AMT: variants seen among roughly 807,000 people sequenced by gnomAD.
AMT encodes aminomethyltransferase, mitochondrial.
In AMT, 24 loss-of-function variants were observed where a neutral mutation model predicts 39.5. The observed-to-expected ratio is 0.61, with a 90% CI of 0.44 to 0.86. The LOEUF is 0.86. AMT is among the 40% of genes least tolerant of loss of function. The pLI is 0.00. For synonymous variants in AMT, 210 were observed against 212.1 expected (o/e 0.99, Z 0.09); for missense variants, 501 against 537.0 (o/e 0.93, Z 0.66).
In AMT at chr3:49,422,439, A is replaced by T; in HGVS notation, c.12T>A (p.Ala4=). The T allele has an allele frequency of 6.2e-7, 1 of 1,613,348 alleles. No individual in the cohort carries two copies. Among genetic ancestry groups the T allele is most frequent in the Non-Finnish European group, 8.5e-7 (1 of 1,179,970 alleles). The part of the protein sequence containing the change: MQR[A]VSVVARLGFR... Reference sequence around the variant, plus strand: ...AGCCCAGACGGGCCACCACACTTACAGCCCTCTGCATCGTCGCCTGCAACG... The same window carrying T: ...AGCCCAGACGGGCCACCACACTTACTGCCCTCTGCATCGTCGCCTGCAACG... Residue 4 remains alanine, a synonymous_variant, in exon 1 of 9, where the codon GCT becomes GCA. Transcript: ENST00000273588.
chr3:49,422,251 C>T lies in AMT; in HGVS notation c.111G>A (p.Pro37=), dbSNP rs754165977. ...CGTGGGCCAGGTGGAAGTCATAGAG[C>T]GGTGTCCTGCGGAGCACCTCCTGTG... is the stretch of plus-strand genomic sequence containing the variant. ...SCAQEVLRRT[P]LYDFHLAHGG... is the part of the protein sequence containing the mutation. Residue 37 remains proline, a synonymous_variant, in exon 2 of 9, where the codon CCG becomes CCA. Transcript: ENST00000273588. 5 of 1,613,964 alleles carry T rather than the reference C, an allele frequency of 3.1e-6. No homozygotes were observed. The highest frequency in any genetic ancestry group is 4.5e-5 in the East Asian group (2 of 44,894).
At chr3:49,420,058 CCA>C in intron 4 of AMT, 151 bp downstream of exon 4, 2 of 1,081,830 alleles carry the variant, frequency 1.8e-6, no homozygotes, top group Middle Eastern at 2.5e-4. Flanking sequence ...CTGGCGTGCT[CCA>C]GAGAGGGCCT....
chr3:49,417,905 C>A lies in AMT; in HGVS notation c.946G>T (p.Val316Leu). The A allele has an allele frequency of 6.2e-7, 1 of 1,614,098 alleles. No individual in the cohort carries two copies. The highest frequency in any genetic ancestry group is 8.5e-7 in the Non-Finnish European group (1 of 1,180,026). Residue 316 changes from valine to leucine, a missense_variant, in exon 8 of 9, where the codon GTG becomes TTG. Val to Leu is a conservative substitution (Grantham distance 32). Coordinates refer to ENST00000273588, the MANE Select transcript of AMT (RefSeq NM_000481.4). ...KVIVPQLKGR[V>L]QRRRVGLMCE... The stretch of plus-strand genomic sequence containing the variant: ...ATCAACCCCACACGCCTCCGCTGCA[C>A]CCTGCCCTTCAGCTGGGGAACAATG...
In AMT at chr3:49,422,451, C is replaced by T. The variant is rs143841175; in HGVS notation, c.-1G>A. ...CCACCACACTTACAGCCCTCTGCAT[C>T]GTCGCCTGCAACGAGTGCAGACGGC... On this transcript the variant is annotated 5_prime_UTR_variant, in exon 1 of 9. Transcript: ENST00000273588. 5.7e-4 allele frequency: 922 copies of T among 1,612,894 alleles called. 3 individuals carry two copies. The African/African-American group carries it at 0.011, about 18-fold the overall frequency.
rs758920252 is a variant in AMT, at chr3:49,417,210, C to A, written c.*330G>T. On this transcript the variant is annotated 3_prime_UTR_variant, in exon 9 of 9. Coordinates refer to ENST00000273588, the MANE Select transcript of AMT (RefSeq NM_000481.4). ...TTTTATCCTCTCCACAAAGGTGAGC[C>A]TTTGCTCCACAGCCAGCACCTGGCA... is the stretch of plus-strand genomic sequence containing the variant. 16 of 1,503,368 alleles carry A rather than the reference C, an allele frequency of 1.1e-5. No homozygotes were observed. Among genetic ancestry groups the A allele is most frequent in the African/African-American group, 1.4e-5 (1 of 72,874 alleles). 93.1% of individuals were successfully genotyped at this position (1,503,368 alleles called of 1,614,324 possible). A position where few individuals can be genotyped will look rare whatever the true frequency, so the allele number is the denominator to read the frequency against.
Position 49,422,282 on chromosome 3 carries a change from C to T in AMT, c.91-11G>A, listed in dbSNP as rs1266296349. On this transcript the variant is annotated splice_polypyrimidine_tract_variant and intron_variant, in intron 1 of 8. Coordinates refer to ENST00000273588, the MANE Select transcript of AMT (RefSeq NM_000481.4). ...CCTGCGGAGCACCTCCTGTGGGCGGCTGGGCTTAGTGCCACCAGGGCCCTA... is the reference window on the plus strand; with the variant it reads ...CCTGCGGAGCACCTCCTGTGGGCGGTTGGGCTTAGTGCCACCAGGGCCCTA... 1 of 1,613,768 alleles carries T rather than the reference C, an allele frequency of 6.2e-7. No individual in the cohort carries two copies. Among genetic ancestry groups the T allele is most frequent in the Non-Finnish European group, 8.5e-7 (1 of 1,179,932 alleles).
intron 4 of AMT, 162 bp downstream of exon 4, chr3:49,420,049 T>C: frequency 2.0e-6 from 2 of 1,001,940 alleles, no homozygotes; most frequent in Admixed American, 2.1e-5. Context: ...CACCAAACCC[T>C]GGCGTGCTCC....
Position 49,417,881 on chromosome 3 carries a change from TCAA to T in AMT, c.967_969del (p.Leu323del). ...GCCCGCATGGGGGCCCCCTCACACA[TCAA>T]CCCCACACGCCTCCGCTGCACCCTG... On this transcript the variant is annotated inframe_deletion, in exon 8 of 9. Transcript: ENST00000273588. 6.2e-7 allele frequency: 1 copy of T among 1,613,956 alleles called. No individual in the cohort carries two copies. Among genetic ancestry groups the T allele is most frequent in the Non-Finnish European group, 8.5e-7 (1 of 1,179,994 alleles).
Position 49,416,911 on chromosome 3 carries a change from A to G in AMT, c.*629T>C, listed in dbSNP as rs1188444129. The G allele has an allele frequency of 2.2e-6, 1 of 459,476 alleles. No individual in the cohort carries two copies. The highest frequency in any genetic ancestry group is 6.8e-5 in the East Asian group (1 of 14,658). 28.5% of individuals were successfully genotyped at this position (459,476 alleles called of 1,614,324 possible). A position where few individuals can be genotyped will look rare whatever the true frequency, so the allele number is the denominator to read the frequency against. ...CACCCTGCCCTACAGCAGCCCTGGA[A>G]CTCAGAATAGGTGGTGAGTCTGCCA... On this transcript the variant is annotated 3_prime_UTR_variant, in exon 9 of 9. Coordinates refer to ENST00000273588, the MANE Select transcript of AMT (RefSeq NM_000481.4).
Position 49,416,923 on chromosome 3 carries a change from T to C in AMT, c.*617A>G, listed in dbSNP as rs1424466651. The C allele has an allele frequency of 4.3e-6, 2 of 460,764 alleles. No homozygotes were observed. The highest frequency in any genetic ancestry group is 8.6e-6 in the Non-Finnish European group (2 of 231,728). The allele number at this position is 460,764 out of a possible 1,614,324, so 28.5% of individuals were successfully genotyped here. ...CAGCAGCCCTGGAACTCAGAATAGG[T>C]GGTGAGTCTGCCATGGTTTGCTACT... On this transcript the variant is annotated 3_prime_UTR_variant, in exon 9 of 9. Transcript: ENST00000273588.
rs1359388176 is a variant in AMT, at chr3:49,417,895, C to T, written c.956G>A (p.Arg319Lys). 4.3e-6 allele frequency: 7 copies of T among 1,613,976 alleles called. No homozygotes were observed. The highest frequency in any genetic ancestry group is 1.3e-5 in the African/African-American group (1 of 74,918). Reference protein sequence around the residue: ...VPQLKGRVQRRRVGLMCEGAP... With the variant: ...VPQLKGRVQRKRVGLMCEGAP... ...CCCCTCACACATCAACCCCACACGC[C>T]TCCGCTGCACCCTGCCCTTCAGCTG... Residue 319 changes from arginine to lysine, a missense_variant, in exon 8 of 9, where the codon AGG (arginine) becomes AAG (lysine). Physicochemically the swap from Arg to Lys is conservative, Grantham distance 26. Coordinates refer to ENST00000273588, the MANE Select transcript of AMT (RefSeq NM_000481.4).
chr3:49,418,390 C>G (rs2049036065), intron 7 of AMT: 1 of 258,534 alleles, frequency 3.9e-6, no homozygotes, highest in African/African-American at 2.3e-5. Context: ...ACCATGTTGG[C>G]CAGGCTATTC....
rs973090374 is a variant in AMT at position 49,421,967 on chromosome 3, T to C, written c.258+137A>G. On this transcript the variant is annotated intron_variant, in intron 2 of 8. Coordinates refer to ENST00000273588, the MANE Select transcript of AMT (RefSeq NM_000481.4). ...TTCCTTGGGGCCATTGACCTATCCA[T>C]GACACCCCCATGACCTCTAGCTCTT... The C allele has an allele frequency of 2.4e-6, 3 of 1,253,200 alleles. No individual in the cohort carries two copies. In the African/African-American group the frequency reaches 4.4e-5, roughly 18 times the overall value. 77.6% of individuals were successfully genotyped at this position (1,253,200 alleles called of 1,614,324 possible).
intron 7 of AMT, chr3:49,418,174 G>C: frequency 1.6e-6 from 1 of 628,024 alleles, no homozygotes; most frequent in South Asian, 2.0e-5. Context: ...CACCTGCCGA[G>C]CGTCTTCAGT....
chr3:49,418,054 C>G, intron 7 of AMT, 81 bp from the exon 8 acceptor site: 1 of 1,506,510 alleles, frequency 6.6e-7, no homozygotes, highest in South Asian at 1.2e-5. Context: ...CCTCAAGTAA[C>G]ACACTATCTA....
chr3:49,422,057 C>T, intron 2 of AMT, 47 bp downstream of exon 2: 1 of 1,612,156 alleles, frequency 6.2e-7, no homozygotes, highest in Non-Finnish European at 8.5e-7. Context: ...CCACTGTAAA[C>T]AGGGAGGAAG....
At chr3:49,419,993 C>T (rs2049071907) in intron 4 of AMT, 2 of 792,034 alleles carry the variant, frequency 2.5e-6, no homozygotes, top group Admixed American at 2.1e-5. Flanking sequence ...TGCCACCTCA[C>T]ACCAGAGGGG....
chr3:49,422,274 G>T lies in AMT; in HGVS notation c.91-3C>A. 1 of 1,613,894 alleles carries T rather than the reference G, an allele frequency of 6.2e-7. No individual in the cohort carries two copies. The highest frequency in any genetic ancestry group is 8.5e-7 in the Non-Finnish European group (1 of 1,179,948). Reference sequence around the variant, plus strand: ...AGCGGTGTCCTGCGGAGCACCTCCTGTGGGCGGCTGGGCTTAGTGCCACCA... The same window carrying T: ...AGCGGTGTCCTGCGGAGCACCTCCTTTGGGCGGCTGGGCTTAGTGCCACCA... On this transcript the variant is annotated splice_polypyrimidine_tract_variant and splice_region_variant and intron_variant, in intron 1 of 8. Coordinates refer to ENST00000273588, the MANE Select transcript of AMT (RefSeq NM_000481.4).
At chr3:49,418,900 T>C in intron 7 of AMT, 71 bp downstream of exon 7, 3 of 1,531,304 alleles carry the variant, frequency 2.0e-6, no homozygotes, top group East Asian at 2.3e-5. Flanking sequence ...GGATGAGTCA[T>C]GGGCTGGCTA....
Sources: gnomAD v4.1 joint callset for allele counts on GRCh38, gnomAD v4.1.1 for gene constraint, MANE v1.5 for transcripts, NCBI Gene and HGNC (gene_info 2026-07-23, HGNC 2026-07-21) for gene names.